UBR4: variants seen among roughly 807,000 people sequenced by gnomAD.
UBR4 encodes ubiquitin protein ligase E3 component n-recognin 4.
Under a neutral mutation model 575.6 loss-of-function variants are expected in UBR4, and 124 were observed. That is an observed-to-expected ratio of 0.22 (90% CI 0.19 to 0.25). UBR4 has a LOEUF of 0.25. Ranked by LOEUF, UBR4 falls within the 10% of genes least tolerant of loss-of-function variation. UBR4 has a pLI of 1.00. For missense variants in UBR4, 4,818 were observed against 6,478.8 expected (o/e 0.74, Z 8.80); for synonymous variants, 2,455 against 2,473.7 (o/e 0.99, Z 0.22).
chr1:19,174,239 C>T (rs2089979066), intron 22 of UBR4, 80 bp downstream of exon 22: 7 of 1,531,540 alleles, frequency 4.6e-6, no homozygotes, highest in Non-Finnish European at 6.1e-6. Flanking sequence ...AAACTGGTTA[C>T]ATTTCAGAAG....
At chr1:19,146,162 G>A in intron 52 of UBR4, 1 of 1,423,204 alleles carries the variant, frequency 7.0e-7, no homozygotes, top group Non-Finnish European at 9.4e-7. Flanking sequence ...AGAACGGGGA[G>A]CATTTAGGAT....
Position 19,120,221 on chromosome 1 carries a change from C to T in UBR4, c.10269G>A (p.Ser3423=), listed in dbSNP as rs752105772. The T allele has an allele frequency of 6.2e-6, 10 of 1,614,158 alleles. No individual in the cohort carries two copies. The highest frequency in any genetic ancestry group is 3.3e-5 in the Admixed American group (2 of 60,018). ...TCAGACAGTGGGCCTGCCAGCGCAC[C>T]GAGGAAGAATTGGACTCTAACAGGA... is the stretch of plus-strand genomic sequence containing the variant. ...RCFLLESNSS[S]VRWQAHCLTL... Residue 3423 remains serine, a synonymous_variant, in exon 69 of 106, where the codon TCG becomes TCA. Coordinates refer to ENST00000375254, the MANE Select transcript of UBR4 (RefSeq NM_020765.3).
At chr1:19,082,414 T>C (rs956702948) in intron 102 of UBR4, among the ~76,000 whole-genome samples, 1 of 152,240 alleles carries the variant, frequency 6.6e-6, no homozygotes, top group Non-Finnish European at 1.5e-5. Context: ...TGAAGCCAGG[T>C]AGCCTGTCCA....
intron 8 of UBR4, among the ~76,000 whole-genome samples, chr1:19,195,150 A>G (rs2092372907): frequency 6.6e-6 from 1 of 151,514 alleles, no homozygotes; most frequent in South Asian, 2.1e-4. Flanking sequence ...CTGTGGTCCC[A>G]GCTACAAGGG....
chr1:19,133,597 C>T (rs2082792691), intron 60 of UBR4, among the ~76,000 whole-genome samples: 1 of 152,144 alleles, frequency 6.6e-6, no homozygotes, highest in African/African-American at 2.4e-5. Flanking sequence ...AAAAGTTACA[C>T]TGTTATTTGC....
At chr1:19,198,745 G>GA (rs2092600758) in intron 4 of UBR4, 54 bp downstream of exon 4, 32 of 1,612,398 alleles carry the variant, frequency 2.0e-5, no homozygotes, top group Non-Finnish European at 2.7e-5. Context: ...AGGTGCCATG[G>GA]AAAAGGTGCC....
At position 19,172,887 on chromosome 1, in the gene UBR4, A is replaced by T. The variant is rs1277380544; in HGVS notation, c.3498T>A (p.Ile1166=). 1 of 1,614,214 alleles carries T rather than the reference A, an allele frequency of 6.2e-7. No individual in the cohort carries two copies. ...KNLLPATLQL[I]DTYASFTRAY... ...ACCTGGTGAACGATGCATAGGTGTCAATGAGTTGCAGCGTGGCTGGAAGTA... is the reference window on the plus strand; with the variant it reads ...ACCTGGTGAACGATGCATAGGTGTCTATGAGTTGCAGCGTGGCTGGAAGTA... Residue 1166 remains isoleucine, a synonymous_variant, in exon 25 of 106, where the codon ATT becomes ATA. Coordinates refer to ENST00000375254, the MANE Select transcript of UBR4 (RefSeq NM_020765.3).
At position 19,100,353 on chromosome 1, in the gene UBR4, C is replaced by T; in HGVS notation, c.13221+23G>A. 1 of 1,613,212 alleles carries T rather than the reference C, an allele frequency of 6.2e-7. No individual in the cohort carries two copies. The highest frequency in any genetic ancestry group is 8.5e-7 in the Non-Finnish European group (1 of 1,179,698). On this transcript the variant is annotated intron_variant, in intron 89 of 105. Coordinates refer to ENST00000375254, the MANE Select transcript of UBR4 (RefSeq NM_020765.3). This position sits in a 1 kb window ranked among gnomAD's most constrained non-coding sequence, Gnocchi z 4.2. ...GGAAGCCCCTAATCGTAAACGTGGG[C>T]AGCACTGTCCTATGGTCATTACCTC...
At chr1:19,130,047 C>G (rs894813171) in intron 60 of UBR4, among the ~76,000 whole-genome samples, 1 of 151,610 alleles carries the variant, frequency 6.6e-6, no homozygotes, top group Non-Finnish European at 1.5e-5. Context: ...AAAAAAGGAC[C>G]AAAAAAATTG....
chr1:19,181,649 G>T (rs977896243), intron 17 of UBR4, among the ~76,000 whole-genome samples: 1 of 152,036 alleles, frequency 6.6e-6, no homozygotes, highest in African/African-American at 2.4e-5. Context: ...GCACATAGTA[G>T]GTGCTCAATG....
chr1:19,093,825 T>C lies in UBR4; in HGVS notation c.13937+124A>G. The C allele has an allele frequency of 1.7e-6, 2 of 1,179,174 alleles. No individual in the cohort carries two copies. Among genetic ancestry groups the C allele is most frequent in the Non-Finnish European group, 1.2e-6 (1 of 851,054 alleles). 73.0% of individuals were successfully genotyped at this position (1,179,174 alleles called of 1,614,324 possible). ...CACTTCCCAACTAGACTGAGCTCCT[T>C]AAAAGCCAGAACGAGGACACAAAAA... On this transcript the variant is annotated intron_variant, in intron 95 of 105. Transcript: ENST00000375254. The surrounding 1 kb of genome is among the most constrained non-coding windows in gnomAD (Gnocchi z 4.8).
chr1:19,200,757 A>G (rs1042902108), intron 2 of UBR4, among the ~76,000 whole-genome samples: 3 of 152,230 alleles, frequency 2.0e-5, no homozygotes, highest in African/African-American at 7.2e-5. Flanking sequence ...AGTATTGGAC[A>G]CTGAAGGATT....
Position 19,155,585 on chromosome 1 carries a change from A to C in UBR4, c.6156T>G (p.Leu2052=), listed in dbSNP as rs148306059. The change falls in exon 43 of 106, where the codon CTT becomes CTG. Residue 2052 remains leucine (L), a synonymous_variant. Coordinates refer to ENST00000375254, the MANE Select transcript of UBR4 (RefSeq NM_020765.3). ...PSSKIRDVTF[L]FNEEGKNIIV... ...TGATGTTCTTTCCCTCCTCATTGAA[A>C]AGGAAGGTAACATCTCTTATCTTTG... is the stretch of plus-strand genomic sequence containing the variant. The C allele has an allele frequency of 1.2e-6, 2 of 1,614,060 alleles. No individual in the cohort carries two copies. Among genetic ancestry groups the C allele is most frequent in the African/African-American group, 2.7e-5 (2 of 74,928 alleles).
At chr1:19,085,736 C>T (rs1342842594) in intron 101 of UBR4, among the ~76,000 whole-genome samples, 3 of 152,138 alleles carry the variant, frequency 2.0e-5, no homozygotes, top group African/African-American at 7.2e-5. Context: ...TTCTAAGGAG[C>T]CCAACATCCC....
intron 53 of UBR4, 85 bp downstream of exon 53, chr1:19,145,708 G>A: frequency 1.4e-6 from 2 of 1,465,804 alleles, no homozygotes; most frequent in Admixed American, 2.2e-5. Flanking sequence ...AAGAATGAAA[G>A]CTAATGGCTA....
chr1:19,137,193 G>A (rs768348003), intron 60 of UBR4, among the ~76,000 whole-genome samples: 1 of 151,880 alleles, frequency 6.6e-6, no homozygotes, highest in Non-Finnish European at 1.5e-5. Flanking sequence ...CCAGCAACTC[G>A]GGAGGCTGAG....
intron 55 of UBR4, among the ~76,000 whole-genome samples, chr1:19,143,185 GA>G (rs1468406277): frequency 7.0e-6 from 1 of 143,766 alleles, no homozygotes; most frequent in African/African-American, 2.6e-5. Context: ...GAAGAAAAAA[GA>G]AAGAAAGGAA....
At position 19,095,395 on chromosome 1, in the gene UBR4, GA is replaced by G. The variant is rs1378700466; in HGVS notation, c.13626+149del. ...AGCCAGCCAGAGGAGAAGGGCAGCTGAATGACCCAAGCCTCTGCACCAGTCA... is the reference window on the plus strand; with the variant it reads ...AGCCAGCCAGAGGAGAAGGGCAGCTGATGACCCAAGCCTCTGCACCAGTCA... On this transcript the variant is annotated intron_variant, in intron 93 of 105. Coordinates refer to ENST00000375254, the MANE Select transcript of UBR4 (RefSeq NM_020765.3). The G allele has an allele frequency of 6.6e-6, 5 of 762,586 alleles. No individual in the cohort carries two copies. The African/African-American group carries it at 8.8e-5, about 13-fold the overall frequency. 47.2% of individuals were successfully genotyped at this position (762,586 alleles called of 1,614,324 possible). A position where few individuals can be genotyped will look rare whatever the true frequency, so the allele number is the denominator to read the frequency against.
intron 52 of UBR4, chr1:19,146,206 T>C: frequency 1.0e-6 from 1 of 970,038 alleles, no homozygotes; most frequent in Non-Finnish European, 1.5e-6. Flanking sequence ...CAGTTCCAAC[T>C]GTTCAACTTC....
Sources: allele counts gnomAD v4.1 joint callset (sites outside exome capture counted in the v4.1 genomes callset), GRCh38; gene constraint gnomAD v4.1.1; non-coding constraint Gnocchi (gnomAD v3.1); transcripts MANE v1.5; gene names NCBI Gene and HGNC (gene_info 2026-07-23, HGNC 2026-07-21).